The following SYNE1 variants were observed in gnomAD, a reference collection of about 807,000 sequenced individuals.
SYNE1 encodes spectrin repeat containing nuclear envelope protein 1.
A neutral mutation model predicts 1,111.0 loss-of-function variants in SYNE1; 616 were observed. That is an observed-to-expected ratio of 0.55 (90% CI 0.52 to 0.59). SYNE1 has a LOEUF of 0.59. Ranked by LOEUF, SYNE1 falls within the 20% of genes least tolerant of loss-of-function variation. The pLI is 0.00. For missense variants in SYNE1, 10,006 were observed against 10,417.0 expected, an observed-to-expected ratio of 0.96 and a Z score of 1.72; for synonymous variants, 3,855 against 3,825.8, an observed-to-expected ratio of 1.01 and a Z score of -0.28.
intron 107 of SYNE1, among the ~76,000 whole-genome samples, chr6:152,240,224 T>C (rs998524401): frequency 2.6e-5 from 4 of 152,152 alleles, no homozygotes; most frequent in African/African-American, 9.7e-5. Context: ...GAAGGTGGGC[T>C]CCTTTGAAGA....
At chr6:152,516,335 A>G (rs2099111629) in intron 6 of SYNE1, among the ~76,000 whole-genome samples, 1 of 152,360 alleles carries the variant, frequency 6.6e-6, no homozygotes. Flanking sequence ...TGCTTAGCAA[A>G]TATATTTAAA....
rs1490648974 is a variant in SYNE1, at chr6:152,472,544, A to C, written c.1351-131T>G. On this transcript the variant is annotated intron_variant, in intron 14 of 145. Coordinates refer to ENST00000367255, the MANE Select transcript of SYNE1 (RefSeq NM_182961.4). ...TGATCCCGCTGCCACATTCAGAGGCAGCTTGGTGCCTGTCAAAGGCTCTTA... is the reference window on the plus strand; with the variant it reads ...TGATCCCGCTGCCACATTCAGAGGCCGCTTGGTGCCTGTCAAAGGCTCTTA... 5 of 842,224 alleles carry C rather than the reference A, an allele frequency of 5.9e-6. No individual in the cohort carries two copies. In the East Asian group the frequency reaches 1.3e-4, roughly 22 times the overall value. The allele number at this position is 842,224 out of a possible 1,614,324, so 52.2% of individuals were successfully genotyped here. A position where few individuals can be genotyped will look rare whatever the true frequency, so the allele number is the denominator to read the frequency against.
intron 3 of SYNE1, among the ~76,000 whole-genome samples, chr6:152,623,483 A>G (rs1029041564): frequency 1.3e-5 from 2 of 152,192 alleles, no homozygotes; most frequent in African/African-American, 4.8e-5. Context: ...CATGATGAAG[A>G]TGCCAAAAGC....
chr6:152,435,730 C>A lies in SYNE1; in HGVS notation c.4310+211G>T, dbSNP rs2098468262. 20 of 619,928 alleles carry A rather than the reference C, an allele frequency of 3.2e-5. No homozygotes were observed. In the South Asian group the frequency reaches 3.3e-4, roughly 10 times the overall value. The allele number at this position is 619,928 out of a possible 1,614,324, so 38.4% of individuals were successfully genotyped here. On this transcript the variant is annotated intron_variant, in intron 33 of 145. Coordinates refer to ENST00000367255, the MANE Select transcript of SYNE1 (RefSeq NM_182961.4). ...AACATGATCAGTTTAAGATGCAAAA[C>A]CCACATCCTTTATATTTTTTGGGCT...
chr6:152,216,780 G>A lies in SYNE1; in HGVS notation c.22191+1477C>T, dbSNP rs192320267. Among the ~76,000 whole-genome samples, 178 of 152,308 alleles carry A rather than the reference G, an allele frequency of 1.2e-3. 1 individual carries two copies. The highest frequency in any genetic ancestry group is 1.9e-3 in the Non-Finnish European group (127 of 68,042). ...TTTAAAATCATTCACAATTGGCAGG[G>A]CACAGTGGCTCATGCCTGTAATCCC... On this transcript the variant is annotated intron_variant, in intron 121 of 145. Coordinates refer to ENST00000367255, the MANE Select transcript of SYNE1 (RefSeq NM_182961.4).
chr6:152,323,711 A>G lies in SYNE1; in HGVS notation c.15684T>C (p.Asp5228=). 1.2e-6 allele frequency: 2 copies of G among 1,614,196 alleles called. No homozygotes were observed. Among genetic ancestry groups the G allele is most frequent in the Non-Finnish European group, 1.7e-6 (2 of 1,180,026 alleles). ...TTCCAGGTAACTTATCTTGCAGCTGATCAATCATTTCAGTGGCCTTTTTAA... is the reference window on the plus strand; with the variant it reads ...TTCCAGGTAACTTATCTTGCAGCTGGTCAATCATTTCAGTGGCCTTTTTAA... ...NKVKKATEMI[D]QLQDKLPGSS... The change falls in exon 82 of 146, where the codon GAT becomes GAC. Residue 5228 remains aspartate, a synonymous_variant. Coordinates refer to ENST00000367255, the MANE Select transcript of SYNE1 (RefSeq NM_182961.4).
At chr6:152,366,972 A>T in intron 62 of SYNE1, 1 of 672,742 alleles carries the variant, frequency 1.5e-6, no homozygotes, top group Non-Finnish European at 2.8e-6. Context: ...TAGCCTCTTA[A>T]CAAGTGATCA....
chr6:152,179,673 C>CTGTTTTT (rs2067403328), intron 129 of SYNE1, among the ~76,000 whole-genome samples: 1 of 55,070 alleles, frequency 1.8e-5, no homozygotes, highest in African/African-American at 7.8e-5. Context: ...GCTGGATATC[C>CTGTTTTT]TTTTTTTTTT....
chr6:152,253,506 G>T (rs191199799), intron 104 of SYNE1, among the ~76,000 whole-genome samples: 1 of 152,130 alleles, frequency 6.6e-6, no homozygotes, highest in Admixed American at 6.5e-5. Context: ...AAGTCAAGCC[G>T]CAAAGTTATA....
chr6:152,373,750 T>C (rs538826688), intron 58 of SYNE1, among the ~76,000 whole-genome samples: 1 of 152,296 alleles, frequency 6.6e-6, no homozygotes, highest in African/African-American at 2.4e-5. Context: ...TATTAAAAAT[T>C]TGATAAAAAT....
intron 140 of SYNE1, among the ~76,000 whole-genome samples, chr6:152,137,389 T>C (rs2057332317): frequency 6.6e-6 from 1 of 152,148 alleles, no homozygotes; most frequent in Non-Finnish European, 1.5e-5. Flanking sequence ...GCCAGGGCCC[T>C]GGGATCCAGA....
chr6:152,607,242 C>T (rs1192605892), intron 3 of SYNE1, among the ~76,000 whole-genome samples: 1 of 151,954 alleles, frequency 6.6e-6, no homozygotes, highest in African/African-American at 2.4e-5. Flanking sequence ...CCTCAGCCTC[C>T]CAAAGTGCTG....
chr6:152,376,432 A>C lies in SYNE1; in HGVS notation c.9273T>G (p.Phe3091Leu). 3 of 1,614,236 alleles carry C rather than the reference A, an allele frequency of 1.9e-6. No homozygotes were observed. The highest frequency in any genetic ancestry group is 2.2e-5 in the South Asian group (2 of 91,078). ...VNAKITTAKCFDIPQNISEVS... is the reference protein window; with the variant it reads ...VNAKITTAKCLDIPQNISEVS... The stretch of plus-strand genomic sequence containing the variant: ...CTTCACTTATATTTTGAGGTATATC[A>C]AAACACTTGGCGGTAGTGATTTTTG... The change falls in exon 58 of 146, where the codon TTT becomes TTG. Residue 3091 changes from phenylalanine to leucine, a missense_variant. Transcript: ENST00000367255.
chr6:152,447,464 C>G lies in SYNE1; in HGVS notation c.3663G>C (p.Leu1221=). The G allele has an allele frequency of 6.2e-7, 1 of 1,614,182 alleles. No homozygotes were observed. Among genetic ancestry groups the G allele is most frequent in the Non-Finnish European group, 8.5e-7 (1 of 1,180,024 alleles). ...SSSFKALVTL[L]SEVEKMLSNF... is the part of the protein sequence containing the mutation. The stretch of plus-strand genomic sequence containing the variant: ...GTGTGAGTAAATGCTGTACCTCTGA[C>G]AGCAGCGTCACAAGAGCCTTGAAAG... The change falls in exon 29 of 146, where the codon CTG becomes CTC. Residue 1221 remains leucine, a synonymous_variant. Transcript: ENST00000367255.
intron 127 of SYNE1, among the ~76,000 whole-genome samples, chr6:152,200,237 T>C (rs2075131088): frequency 6.6e-6 from 1 of 152,190 alleles, no homozygotes; most frequent in African/African-American, 2.4e-5. Context: ...TTTACTGACT[T>C]TGAAAAGTTA....
rs749780441 is a variant in SYNE1, at chr6:152,367,295, C to T, written c.9895G>A (p.Ala3299Thr). 2 of 1,614,228 alleles carry T rather than the reference C, an allele frequency of 1.2e-6. No individual in the cohort carries two copies. The highest frequency in any genetic ancestry group is 1.3e-5 in the African/African-American group (1 of 75,052). ...IKELQDWMTD[A>T]IHMLDSYCHP... Reference sequence around the variant, plus strand: ...CAGTATGAATCCAGCATGTGAATCGCATCCGTCATCCAGTCTTGTAATTCT... The same window carrying T: ...CAGTATGAATCCAGCATGTGAATCGTATCCGTCATCCAGTCTTGTAATTCT... The change falls in exon 62 of 146, where the codon GCG becomes ACG. Residue 3299 changes from alanine to threonine, a missense_variant. Ala to Thr is a moderately conservative substitution (Grantham distance 58). Around this residue, in one of 7 missense-constraint regions of SYNE1, gnomAD observed 4,955 missense variants for 5,017.2 expected, o/e 0.99. Coordinates refer to ENST00000367255, the MANE Select transcript of SYNE1 (RefSeq NM_182961.4).
chr6:152,431,565 A>G (rs548780386), intron 34 of SYNE1, among the ~76,000 whole-genome samples: 2 of 152,340 alleles, frequency 1.3e-5, no homozygotes, highest in South Asian at 4.1e-4. Context: ...GCTTGTTTGT[A>G]TATAAGAAGA....
chr6:152,539,208 T>A (rs963866624), intron 4 of SYNE1, among the ~76,000 whole-genome samples: 2 of 152,206 alleles, frequency 1.3e-5, no homozygotes, highest in African/African-American at 4.8e-5. Context: ...TAACTTCCAC[T>A]ATATAATCAT....
At chr6:152,216,438 C>A (rs2078689439) in intron 121 of SYNE1, among the ~76,000 whole-genome samples, 1 of 152,182 alleles carries the variant, frequency 6.6e-6, no homozygotes, top group African/African-American at 2.4e-5. Flanking sequence ...ACAGTGGAGA[C>A]TTTCCTAAGA....
Sources: gnomAD v4.1 joint callset for allele counts (sites outside exome capture counted in the v4.1 genomes callset) on GRCh38, gnomAD v4.1.1 for gene constraint, gnomAD v4.1.1 regional missense constraint, MANE v1.5 for transcripts, NCBI Gene and HGNC (gene_info 2026-07-23, HGNC 2026-07-21) for gene names.